Variants in COL18A1 observed in about 807,000 individuals in gnomAD.
COL18A1 encodes the protein collagen type XVIII alpha 1 chain.
In COL18A1, 133 loss-of-function variants were observed where a neutral mutation model predicts 168.0. The observed-to-expected ratio is 0.79, with a 90% CI of 0.69 to 0.91. The LOEUF (loss-of-function observed/expected upper bound fraction) is 0.91. Ranked by LOEUF, COL18A1 falls within the 40% of genes least tolerant of loss-of-function variation. The pLI is 0.00. For missense variants in COL18A1, 2,126 were observed against 1,925.4 expected (o/e 1.10, Z -1.95); for synonymous variants, 949 against 809.0 (o/e 1.17, Z -2.94).
chr21:45,468,171 C>T lies in COL18A1; in HGVS notation c.107-71C>T, dbSNP rs572451046. On this transcript the variant is annotated intron_variant, in intron 2 of 41. Coordinates refer to ENST00000651438, the MANE Select transcript of COL18A1 (RefSeq NM_001379500.1). ...CCTTTCTGCCCCTGCCTGGCTGCCTCTCCAGGCCGCGTCGGTGGCCCCTGG... is the reference window on the plus strand; with the variant it reads ...CCTTTCTGCCCCTGCCTGGCTGCCTTTCCAGGCCGCGTCGGTGGCCCCTGG... The T allele has an allele frequency of 4.7e-5, 74 of 1,559,514 alleles. No individual in the cohort carries two copies. The African/African-American group carries it at 8.1e-4, about 17-fold the overall frequency.
intron 33 of COL18A1, 71 bp from the exon 34 acceptor site, chr21:45,504,344 CG>C: frequency 1.3e-6 from 2 of 1,499,554 alleles, no homozygotes; most frequent in Middle Eastern, 1.8e-4. Context: ...AGCCCTGGCT[CG>C]GGGGGATGGG....
rs1482921669 is a variant in COL18A1, at chr21:45,477,757, T to C, written c.1013T>C (p.Leu338Pro). The change falls in exon 8 of 42, where the codon CTG (leucine) becomes CCG (proline). Residue 338 changes from leucine to proline, a missense_variant. Transcript: ENST00000651438. ...TGTTCTGTTTATTCCCAGGGCGGCC[T>C]GAAGGGGCAGAAAGGGGAGCCAGGT... Reference protein sequence around the residue: ...TPGGRVKEGGLKGQKGEPGVP... With the variant: ...TPGGRVKEGGPKGQKGEPGVP... 4 of 1,539,470 alleles carry C rather than the reference T, an allele frequency of 2.6e-6. No individual in the cohort carries two copies. The highest frequency in any genetic ancestry group is 3.5e-6 in the Non-Finnish European group (4 of 1,142,538).
chr21:45,434,199 G>A (rs1248916641), intron 2 of COL18A1, among the ~76,000 whole-genome samples: 1 of 94,026 alleles, frequency 1.1e-5, no homozygotes, highest in East Asian at 3.4e-4. Context: ...GGCTTCACCG[G>A]GGGGTGGTGA....
At position 45,477,795 on chromosome 21, in the gene COL18A1, C is replaced by T. The variant is rs370176315; in HGVS notation, c.1051C>T (p.Pro351Ser). ...QKGEPGVPGPPGRAGPPGSPC... is the reference protein window; with the variant it reads ...QKGEPGVPGPSGRAGPPGSPC... ...AGGGGAGCCAGGTGTTCCGGGCCCACCTGGCCGGGCAGGCCCCCCAGGATC... is the reference window on the plus strand; with the variant it reads ...AGGGGAGCCAGGTGTTCCGGGCCCATCTGGCCGGGCAGGCCCCCCAGGATC... Residue 351 changes from proline (P) to serine (S), a missense_variant, in exon 8 of 42, where the codon CCT becomes TCT. Physicochemically the swap from Pro to Ser is moderately conservative, Grantham distance 74 (BLOSUM62 -1). Transcript: ENST00000651438. 119 of 1,548,840 alleles carry T rather than the reference C, an allele frequency of 7.7e-5. No homozygotes were observed. The African/African-American group carries it at 1.3e-3, about 17-fold the overall frequency.
intron 2 of COL18A1, chr21:45,422,380 G>A (rs370134793): frequency 1.5e-5 from 7 of 476,594 alleles, no homozygotes; most frequent in African/African-American, 8.1e-5. Flanking sequence ...GTGCGATGGC[G>A]GGGCCTCGCC....
In COL18A1 at chr21:45,405,296, G is replaced by GCGGGGA; in HGVS notation, c.11+55_11+56insCGGGGA. ...GGGACGCCAAGATGCGGCTGCGGGGGTCGCGGGGGTCGCGGGGCTCGGCCG... is the reference window on the plus strand; with the variant it reads ...GGGACGCCAAGATGCGGCTGCGGGGGCGGGGATCGCGGGGGTCGCGGGGCTCGGCCG... On this transcript the variant is annotated intron_variant, in intron 1 of 41. Coordinates refer to ENST00000651438, the MANE Select transcript of COL18A1 (RefSeq NM_001379500.1). The GCGGGGA allele has an allele frequency of 4.0e-6, 2 of 504,622 alleles. 1 individual carries two copies. Among genetic ancestry groups the GCGGGGA allele is most frequent in the African/African-American group, 1.3e-4 (2 of 15,618 alleles). The allele number at this position is 504,622 out of a possible 1,614,324, so 31.3% of individuals were successfully genotyped here.
Position 45,437,720 on chromosome 21 carries a change from ACT to A in COL18A1, c.107-30518_107-30517del, listed in dbSNP as rs1329547196. ...CACACACACACTCAGACACACAGGCACTCTCCTGCACACACACACTCACACAC... is the reference window on the plus strand; with the variant it reads ...CACACACACACTCAGACACACAGGCACTCCTGCACACACACACTCACACAC... On this transcript the variant is annotated intron_variant, in intron 2 of 41. Coordinates refer to ENST00000651438, the MANE Select transcript of COL18A1 (RefSeq NM_001379500.1). 2.9e-5 allele frequency among the ~76,000 whole-genome samples: 2 copies of A among 68,816 alleles called. 1 individual carries two copies. Among genetic ancestry groups the A allele is most frequent in the Non-Finnish European group, 5.1e-5 (2 of 38,844 alleles). 45.1% of individuals were successfully genotyped at this position (68,816 alleles called of 152,430 possible).
chr21:45,505,177 G>T lies in COL18A1; in HGVS notation c.2912G>T (p.Gly971Val). 1.2e-6 allele frequency: 2 copies of T among 1,606,526 alleles called. No homozygotes were observed. Among genetic ancestry groups the T allele is most frequent in the Non-Finnish European group, 1.7e-6 (2 of 1,177,546 alleles). Residue 971 changes from glycine (G) to valine (V), a missense_variant, in exon 35 of 42, where the codon GGA becomes GTA. By Grantham distance (109) the Gly-to-Val change is moderately radical (BLOSUM62 -3). Transcript: ENST00000651438. ...ATCCGGGGCCAGCCCGGCCCACCTG[G>T]ACCTCAGGGACCCCCCGGCATCGGC... Reference protein sequence around the residue: ...ESIRGQPGPPGPQGPPGIGYE... With the variant: ...ESIRGQPGPPVPQGPPGIGYE...
intron 2 of COL18A1, among the ~76,000 whole-genome samples, chr21:45,426,200 G>A (rs1156621827): frequency 6.6e-6 from 1 of 152,172 alleles, no homozygotes; most frequent in Non-Finnish European, 1.5e-5. Flanking sequence ...TACCTCCCGG[G>A]TTCAAGCGAT....
chr21:45,491,991 G>A (rs1224589999), intron 22 of COL18A1, among the ~76,000 whole-genome samples: 1 of 152,224 alleles, frequency 6.6e-6, no homozygotes, highest in Non-Finnish European at 1.5e-5. Context: ...AGAGCTGAGA[G>A]CAGGCACCGT....
chr21:45,511,088 C>CAT lies in COL18A1; in HGVS notation c.3694-21_3694-20dup, dbSNP rs771690476. ...TCCACACCCCCACACACCACACACA[C>CAT]ATACACACGGTTTCTCTTCCAGGAC... is the stretch of plus-strand genomic sequence containing the variant. On this transcript the variant is annotated intron_variant, in intron 40 of 41. Coordinates refer to ENST00000651438, the MANE Select transcript of COL18A1 (RefSeq NM_001379500.1). 52 of 1,045,956 alleles carry CAT rather than the reference C, an allele frequency of 5.0e-5. 2 individuals are homozygous for CAT. In the African/African-American group the frequency reaches 1.5e-3, roughly 31 times the overall value. 64.8% of individuals were successfully genotyped at this position (1,045,956 alleles called of 1,614,324 possible). A position where few individuals can be genotyped will look rare whatever the true frequency, so the allele number is the denominator to read the frequency against.
rs376457427 is a variant in COL18A1, at chr21:45,504,380, T to C, written c.2728-36T>C. 10 of 1,602,022 alleles carry C rather than the reference T, an allele frequency of 6.2e-6. No individual in the cohort carries two copies. In the African/African-American group the frequency reaches 1.3e-4, roughly 21 times the overall value. ...GAGGCCACCTGTGGCTTGTAGGGGT[T>C]CAGGGCTCCCGTGTAACAAGTGTTT... On this transcript the variant is annotated intron_variant, in intron 33 of 41. Coordinates refer to ENST00000651438, the MANE Select transcript of COL18A1 (RefSeq NM_001379500.1).
rs1375205629 is a variant in COL18A1, at chr21:45,512,466, A to T, written c.*68A>T. 2 of 1,506,116 alleles carry T rather than the reference A, an allele frequency of 1.3e-6. No individual in the cohort carries two copies. The highest frequency in any genetic ancestry group is 2.0e-4 in the Middle Eastern group (1 of 4,908). The allele number at this position is 1,506,116 out of a possible 1,614,324, so 93.3% of individuals were successfully genotyped here. A position where few individuals can be genotyped will look rare whatever the true frequency, so the allele number is the denominator to read the frequency against. Reference sequence around the variant, plus strand: ...GAGGAAGCCCCCACCGTGGGCAGGGAGCGGCCGGCCAGCCCCTGGCCCCAG... The same window carrying T: ...GAGGAAGCCCCCACCGTGGGCAGGGTGCGGCCGGCCAGCCCCTGGCCCCAG... On this transcript the variant is annotated 3_prime_UTR_variant, in exon 42 of 42. Transcript: ENST00000651438.
At chr21:45,428,563 A>C (rs1310082242) in intron 2 of COL18A1, among the ~76,000 whole-genome samples, 1 of 152,194 alleles carries the variant, frequency 6.6e-6, no homozygotes, top group Non-Finnish European at 1.5e-5. Flanking sequence ...TGCAGCCATC[A>C]CCACTGCCCA....
chr21:45,476,855 G>A (rs1053342951), intron 6 of COL18A1, among the ~76,000 whole-genome samples: 2 of 151,380 alleles, frequency 1.3e-5, no homozygotes, highest in African/African-American at 2.4e-5. Flanking sequence ...TGTGTAGTGT[G>A]CGTATTGTGT....
At chr21:45,418,054 C>G (rs898294022) in intron 2 of COL18A1, among the ~76,000 whole-genome samples, 1 of 152,222 alleles carries the variant, frequency 6.6e-6, no homozygotes, top group African/African-American at 2.4e-5. Flanking sequence ...GTGTGCCGCC[C>G]CCGGAGCGCT....
chr21:45,476,921 T>TTG (rs56196443), intron 6 of COL18A1, among the ~76,000 whole-genome samples: 23,777 of 146,758 alleles, frequency 0.16, 1,952 homozygotes, highest in Non-Finnish European at 0.2. Context: ...ATTATGTGTT[T>TTG]TGTGTGTGTG....
chr21:45,453,009 ATG>A lies in COL18A1; in HGVS notation c.107-15226_107-15225del, dbSNP rs776687676. ...ACATGTGACATGTGAGCCTATATGT[ATG>A]TGTGTGATTGCGAGTATTCATGTGT... On this transcript the variant is annotated intron_variant, in intron 2 of 41. Transcript: ENST00000651438. Among the ~76,000 whole-genome samples, 139 of 149,478 alleles carry A rather than the reference ATG, an allele frequency of 9.3e-4. 2 individuals are homozygous for A. The East Asian group carries it at 0.012, about 12-fold the overall frequency.
At chr21:45,507,198 G>A in intron 37 of COL18A1, 1 of 276,738 alleles carries the variant, frequency 3.6e-6, no homozygotes, top group South Asian at 3.4e-5. Flanking sequence ...GGGCAGGGAG[G>A]GCACCCTCCT....
Sources: gnomAD v4.1 joint callset for allele counts (sites outside exome capture counted in the v4.1 genomes callset) on GRCh38, gnomAD v4.1.1 for gene constraint, MANE v1.5 for transcripts, NCBI Gene and HGNC (gene_info 2026-07-23, HGNC 2026-07-21) for gene names.